Variants in OLFM2 observed in about 807,000 individuals in gnomAD.
OLFM2 encodes the protein noelin-2.
Under a neutral mutation model 43.9 loss-of-function variants are expected in OLFM2, and 20 were observed. The observed-to-expected ratio is 0.46, with a 90% CI of 0.32 to 0.66. The LOEUF is 0.66. Ranked by LOEUF, OLFM2 falls within the 30% of genes least tolerant of loss-of-function variation. The pLI, the probability that OLFM2 is intolerant of heterozygous loss-of-function variation, is 0.04. For synonymous variants in OLFM2, 268 were observed against 278.6 expected, an observed-to-expected ratio of 0.96 and a Z score of 0.38; for missense variants, 416 against 643.6, an observed-to-expected ratio of 0.65 and a Z score of 3.83.
At chr19:9,886,198 G>A (rs1255080692) in intron 1 of OLFM2, among the ~76,000 whole-genome samples, 1 of 151,258 alleles carries the variant, frequency 6.6e-6, no homozygotes, top group Admixed American at 6.6e-5. Context: ...ACCTAAGAGG[G>A]TTTTTGTTTT....
intron 1 of OLFM2, 68 bp downstream of exon 1, chr19:9,936,236 G>A: frequency 6.7e-7 from 1 of 1,491,486 alleles, no homozygotes; most frequent in South Asian, 1.2e-5. Flanking sequence ...CCGTTTCTCC[G>A]GGAACCCTCC....
In OLFM2 at chr19:9,856,535, T is replaced by G. The variant is rs2046319092; in HGVS notation, c.687+272A>C. 6.6e-6 allele frequency among the ~76,000 whole-genome samples: 1 copy of G among 152,230 alleles called. No individual in the cohort carries two copies. Among genetic ancestry groups the G allele is most frequent in the African/African-American group, 2.4e-5 (1 of 41,466 alleles). ...GGGCATTGGTCATTGGGTAGTTACTTGGACGTCAGTAGTCCCTGAGAACTG... is the reference window on the plus strand; with the variant it reads ...GGGCATTGGTCATTGGGTAGTTACTGGGACGTCAGTAGTCCCTGAGAACTG... On this transcript the variant is annotated intron_variant, in intron 5 of 5. Coordinates refer to ENST00000264833, the MANE Select transcript of OLFM2 (RefSeq NM_058164.4). The surrounding 1 kb of genome is among the most constrained non-coding windows in gnomAD (Gnocchi z 4.0).
chr19:9,915,271 C>T (rs1185389514), intron 1 of OLFM2, among the ~76,000 whole-genome samples: 6 of 144,934 alleles, frequency 4.1e-5, no homozygotes, highest in African/African-American at 1.0e-4. Context: ...AGATGGGCAT[C>T]TCGCTATGTT....
rs146830323 is a variant in OLFM2 at position 9,857,623 on chromosome 19, A to G, written c.360+92T>C. 3,080 of 1,592,636 alleles carry G rather than the reference A, an allele frequency of 1.9e-3. 4 individuals carry two copies. Among genetic ancestry groups the G allele is most frequent in the Admixed American group, 2.5e-3 (148 of 59,610 alleles). ...ACATGTGGCTCATATTGGACCCTAGATTCTTCCCAGACATGACTCCATTGT... is the reference window on the plus strand; with the variant it reads ...ACATGTGGCTCATATTGGACCCTAGGTTCTTCCCAGACATGACTCCATTGT... On this transcript the variant is annotated intron_variant, in intron 3 of 5. Coordinates refer to ENST00000264833, the MANE Select transcript of OLFM2 (RefSeq NM_058164.4). The surrounding 1 kb of genome is among the most constrained non-coding windows in gnomAD (Gnocchi z 5.7).
intron 1 of OLFM2, among the ~76,000 whole-genome samples, chr19:9,917,066 T>G (rs541169044): frequency 1.3e-5 from 2 of 152,280 alleles, no homozygotes; most frequent in South Asian, 4.1e-4. Context: ...ACACCCACTC[T>G]CAAGGTTTTG....
At chr19:9,919,789 ATTT>A (rs750249042) in intron 1 of OLFM2, among the ~76,000 whole-genome samples, 1,077 of 90,554 alleles carry the variant, frequency 0.012, 17 homozygotes, top group African/African-American at 0.049. Context: ...GACCACTGCC[ATTT>A]TTTTTTTTTT....
chr19:9,883,125 ACT>A (rs1228857791), intron 1 of OLFM2, among the ~76,000 whole-genome samples: 1 of 150,564 alleles, frequency 6.6e-6, no homozygotes, highest in Non-Finnish European at 1.5e-5. Flanking sequence ...CAGGAGAATC[ACT>A]TGAATCCGGG....
intron 2 of OLFM2, among the ~76,000 whole-genome samples, chr19:9,859,420 A>G (rs570523188): frequency 6.6e-6 from 1 of 152,190 alleles, no homozygotes; most frequent in Admixed American, 6.5e-5. Context: ...GGGTTCAAGC[A>G]GTTCTCCTGC....
intron 1 of OLFM2, among the ~76,000 whole-genome samples, chr19:9,928,113 A>T (rs532868568): frequency 2.0e-4 from 31 of 152,224 alleles, no homozygotes; most frequent in African/African-American, 7.5e-4. Context: ...TGAGAGGCTA[A>T]GGTAGGAGGA....
At chr19:9,914,765 C>A (rs1213092215) in intron 1 of OLFM2, among the ~76,000 whole-genome samples, 3 of 152,058 alleles carry the variant, frequency 2.0e-5, no homozygotes, top group Admixed American at 6.5e-5. Flanking sequence ...GCCGCTGGGC[C>A]GCGGAGAGGA....
At chr19:9,891,086 C>T (rs767349526) in intron 1 of OLFM2, among the ~76,000 whole-genome samples, 4 of 151,634 alleles carry the variant, frequency 2.6e-5, no homozygotes, top group East Asian at 1.9e-4. Context: ...GGCTGAGGCA[C>T]GCAGATCACC....
intron 1 of OLFM2, among the ~76,000 whole-genome samples, chr19:9,899,731 T>C: frequency 6.6e-6 from 1 of 151,946 alleles, no homozygotes; most frequent in Non-Finnish European, 1.5e-5. Context: ...TCTGTATTTT[T>C]TTTTAGAGAT....
chr19:9,903,797 A>G (rs2046760384), intron 1 of OLFM2, among the ~76,000 whole-genome samples: 1 of 152,144 alleles, frequency 6.6e-6, no homozygotes, highest in African/African-American at 2.4e-5. Flanking sequence ...TTCTCACTGC[A>G]CCAAGTGCCC....
At chr19:9,884,853 T>TG (rs2046572998) in intron 1 of OLFM2, among the ~76,000 whole-genome samples, 1 of 152,208 alleles carries the variant, frequency 6.6e-6, no homozygotes. Flanking sequence ...CACCAGCAGA[T>TG]GCTGGAGACA....
At chr19:9,896,084 T>A (rs2046680366) in intron 1 of OLFM2, among the ~76,000 whole-genome samples, 1 of 143,664 alleles carries the variant, frequency 7.0e-6, no homozygotes, top group South Asian at 2.1e-4. Context: ...TTCTTTACTT[T>A]ATTTTAATTT....
intron 1 of OLFM2, among the ~76,000 whole-genome samples, chr19:9,886,235 C>T (rs528313696): frequency 3.3e-5 from 5 of 152,148 alleles, no homozygotes; most frequent in South Asian, 2.1e-4. Context: ...GACAGAGTTT[C>T]GCTCTTGTTG....
Position 9,857,206 on chromosome 19 carries a change from C to T in OLFM2, c.580+57G>A, listed in dbSNP as rs1599463184. The T allele has an allele frequency of 2.7e-6, 4 of 1,497,672 alleles. No individual in the cohort carries two copies. The highest frequency in any genetic ancestry group is 1.7e-5 in the Admixed American group (1 of 59,764). 92.8% of individuals were successfully genotyped at this position (1,497,672 alleles called of 1,614,324 possible). ...AGCTTCTAGGCACAAACAGGTGATACTGGAGTTGGGTGTGGCAGTCAGAGA... is the reference window on the plus strand; with the variant it reads ...AGCTTCTAGGCACAAACAGGTGATATTGGAGTTGGGTGTGGCAGTCAGAGA... On this transcript the variant is annotated intron_variant, in intron 4 of 5. Transcript: ENST00000264833. The surrounding 1 kb of genome is among the most constrained non-coding windows in gnomAD (Gnocchi z 5.7).
At chr19:9,885,422 A>G (rs976333427) in intron 1 of OLFM2, among the ~76,000 whole-genome samples, 3 of 148,850 alleles carry the variant, frequency 2.0e-5, no homozygotes, top group Non-Finnish European at 4.5e-5. Flanking sequence ...TGCTCCTATG[A>G]CCCCCCTCGT....
rs187719869 is a variant in OLFM2 at position 9,916,537 on chromosome 19, C to A, written c.63+19767G>T. Among the ~76,000 whole-genome samples the A allele has an allele frequency of 3.9e-3, 601 of 152,222 alleles. 2 individuals are homozygous for A. Among genetic ancestry groups the A allele is most frequent in the Non-Finnish European group, 5.6e-3 (379 of 68,014 alleles). On this transcript the variant is annotated intron_variant, in intron 1 of 5. Transcript: ENST00000264833. ...AGGAGAGGGACCCAGATCAGGGGAA[C>A]CCAGCAGGGAAGTGGGGGCCCAGGT...
Sources: allele counts gnomAD v4.1 joint callset (sites outside exome capture counted in the v4.1 genomes callset), GRCh38; gene constraint gnomAD v4.1.1; non-coding constraint Gnocchi (gnomAD v3.1); transcripts MANE v1.5; gene names NCBI Gene and HGNC (gene_info 2026-07-23, HGNC 2026-07-21).